Variants in GAPVD1 observed in about 807,000 individuals in gnomAD.
GAPVD1 encodes GTPase activating protein and VPS9 domains 1.
A neutral mutation model predicts 155.5 loss-of-function variants in GAPVD1; 35 were observed. The observed-to-expected ratio is 0.23, with a 90% CI of 0.17 to 0.30. The LOEUF is 0.30. GAPVD1 is among the 10% of genes least tolerant of loss of function. The pLI is 1.00. For missense variants in GAPVD1, 1,429 were observed against 1,775.7 expected (o/e 0.80, Z 3.51); for synonymous variants, 636 against 619.7 (o/e 1.03, Z -0.39).
chr9:125,282,919 C>CT (rs1012612856), intron 2 of GAPVD1, among the ~76,000 whole-genome samples: 9 of 151,674 alleles, frequency 5.9e-5, no homozygotes, highest in African/African-American at 1.9e-4. Context: ...AGGAAATGGT[C>CT]TTTTTTTAAT....
In GAPVD1 at chr9:125,346,896, C is replaced by T. The variant is rs377753350; in HGVS notation, c.3124C>T (p.Arg1042Trp). The T allele has an allele frequency of 1.4e-5, 23 of 1,612,794 alleles. No homozygotes were observed. Among genetic ancestry groups the T allele is most frequent in the Middle Eastern group, 1.7e-4 (1 of 6,058 alleles). ...GGACAAATACAGGAATGCCATTAAA[C>T]GGACCAGCCCCAGTGATGGAGCAAT... ...ILDKYRNAIK[R>W]TSPSDGAMAN... Residue 1042 changes from arginine to tryptophan, a missense_variant, in exon 20 of 28, where the codon CGG (arginine) becomes TGG (tryptophan). Transcript: ENST00000297933.
intron 20 of GAPVD1, 91 bp from the exon 21 acceptor site, chr9:125,349,299 A>G: frequency 9.3e-7 from 1 of 1,071,980 alleles, no homozygotes; most frequent in African/African-American, 1.6e-5. Flanking sequence ...GTCAATGGTA[A>G]TTTATTCTTG....
chr9:125,332,358 C>G (rs1846217154), intron 14 of GAPVD1, 152 bp from the exon 15 acceptor site: 1 of 636,350 alleles, frequency 1.6e-6, no homozygotes, highest in Middle Eastern at 4.3e-4. Context: ...TATATTTAAG[C>G]AGTAGTACCA....
chr9:125,358,064 TAA>T (rs1268844143), intron 25 of GAPVD1, among the ~76,000 whole-genome samples: 1 of 152,036 alleles, frequency 6.6e-6, no homozygotes, highest in African/African-American at 2.4e-5. Context: ...TATTTTTGGG[TAA>T]AGAGACTAGG....
intron 23 of GAPVD1, among the ~76,000 whole-genome samples, chr9:125,352,664 C>T (rs1012592440): frequency 3.3e-5 from 5 of 152,346 alleles, no homozygotes; most frequent in Middle Eastern, 6.8e-3. Context: ...GACATTTTCC[C>T]CATTGTCTTG....
Position 125,362,597 on chromosome 9 carries a change from C to T in GAPVD1, c.4243-9C>T, listed in dbSNP as rs1283101291. ...GTAATTGATTCTTTTTTATTTTTCA[C>T]TTCTCTAGGCAAATCCACCCTGTTT... On this transcript the variant is annotated splice_polypyrimidine_tract_variant and intron_variant, in intron 27 of 27. Transcript: ENST00000297933. 1.9e-6 allele frequency: 3 copies of T among 1,575,966 alleles called. No individual in the cohort carries two copies. The highest frequency in any genetic ancestry group is 1.9e-5 in the Admixed American group (1 of 52,644).
At chr9:125,346,640 C>T in intron 19 of GAPVD1, 179 bp from the exon 20 acceptor site, 1 of 652,970 alleles carries the variant, frequency 1.5e-6, no homozygotes, top group Non-Finnish European at 2.8e-6. Context: ...TGGCAAGGCT[C>T]TCAGACCTAG....
At chr9:125,307,153 T>C (rs1228157339) in intron 6 of GAPVD1, among the ~76,000 whole-genome samples, 1 of 151,594 alleles carries the variant, frequency 6.6e-6, no homozygotes, top group African/African-American at 2.4e-5. Flanking sequence ...TAATCCCAGC[T>C]ACTCGGGAGG....
At chr9:125,266,406 C>T (rs1387776577) in intron 1 of GAPVD1, among the ~76,000 whole-genome samples, 2 of 151,734 alleles carry the variant, frequency 1.3e-5, no homozygotes, top group South Asian at 2.1e-4. Context: ...CTCTGCCTCC[C>T]GAGTTCACGC....
intron 23 of GAPVD1, among the ~76,000 whole-genome samples, chr9:125,352,243 CTT>C (rs1337473626): frequency 3.3e-5 from 5 of 152,364 alleles, no homozygotes; most frequent in African/African-American, 2.4e-5. Context: ...AGTAGGGACT[CTT>C]TGTGGGGGCT....
chr9:125,325,642 A>T (rs1473916935), intron 11 of GAPVD1, among the ~76,000 whole-genome samples: 1 of 152,238 alleles, frequency 6.6e-6, no homozygotes, highest in Non-Finnish European at 1.5e-5. Flanking sequence ...CTTCTAAAAA[A>T]GAAGTCAGTT....
intron 2 of GAPVD1, among the ~76,000 whole-genome samples, chr9:125,287,109 G>A (rs1327263739): frequency 6.6e-6 from 1 of 152,022 alleles, no homozygotes; most frequent in African/African-American, 2.4e-5. Context: ...TGTGTCAGGA[G>A]TTCAGAGTTG....
At position 125,312,587 on chromosome 9, in the gene GAPVD1, C is replaced by T. The variant is rs765002053; in HGVS notation, c.1577C>T (p.Thr526Ile). 4.4e-6 allele frequency: 7 copies of T among 1,590,110 alleles called. No homozygotes were observed. The highest frequency in any genetic ancestry group is 6.0e-6 in the Non-Finnish European group (7 of 1,173,448). Residue 526 changes from threonine (T) to isoleucine (I), a missense_variant, in exon 9 of 28, where the codon ACT (threonine) becomes ATT (isoleucine). Physicochemically the swap from Thr to Ile is moderately conservative, Grantham distance 89. This residue lies in a region of GAPVD1 where 628 missense variants were observed against 733.4 expected (regional missense o/e 0.86). Transcript: ENST00000297933. ...TCCTTAGGTACAGGTCCCCAGCTTA[C>T]TCCAGGGATGATGTCAGAAAATGAG... is the stretch of plus-strand genomic sequence containing the variant. ...VISLGTGPQL[T>I]PGMMSENEVL...
rs372718140 is a variant in GAPVD1 at position 125,347,884 on chromosome 9, A to G, written c.3169+943A>G. Among the ~76,000 whole-genome samples the G allele has an allele frequency of 1.2e-4, 18 of 152,232 alleles. 1 individual carries two copies. In the South Asian group the frequency reaches 3.1e-3, roughly 26 times the overall value. On this transcript the variant is annotated intron_variant, in intron 20 of 27. Coordinates refer to ENST00000297933, the MANE Select transcript of GAPVD1 (RefSeq NM_001282680.3). ...CAGAGGGAGAGTGGGCAGAAAGGAGAACTTCCTGTATTTTTTTATTTTGAA... is the reference window on the plus strand; with the variant it reads ...CAGAGGGAGAGTGGGCAGAAAGGAGGACTTCCTGTATTTTTTTATTTTGAA...
At chr9:125,300,044 T>A (rs1302679920) in intron 4 of GAPVD1, among the ~76,000 whole-genome samples, 2,974 of 4,594 alleles carry the variant, frequency 0.65, 1,164 homozygotes, top group East Asian at 0.7. Flanking sequence ...AAAAAATATA[T>A]ATATATATAT....
intron 2 of GAPVD1, among the ~76,000 whole-genome samples, chr9:125,282,721 T>C (rs886214614): frequency 2.0e-5 from 3 of 152,182 alleles, no homozygotes; most frequent in Admixed American, 1.3e-4. Flanking sequence ...GTATACCATC[T>C]GAGATAGATA....
chr9:125,293,858 A>ATATAAATATATTT (rs1564310995), intron 2 of GAPVD1, among the ~76,000 whole-genome samples: 6 of 8,186 alleles, frequency 7.3e-4, no homozygotes, highest in African/African-American at 6.2e-3. Flanking sequence ...TATTTTATAT[A>ATATAAATATATTT]TATATATATA....
intron 25 of GAPVD1, among the ~76,000 whole-genome samples, chr9:125,356,316 T>C (rs1023731185): frequency 1.3e-5 from 2 of 152,132 alleles, no homozygotes; most frequent in African/African-American, 4.8e-5. Flanking sequence ...CTACTAACAT[T>C]TGGGGCCAGA....
At chr9:125,309,492 G>A (rs1364580959) in intron 8 of GAPVD1, among the ~76,000 whole-genome samples, 1 of 151,944 alleles carries the variant, frequency 6.6e-6, no homozygotes, top group East Asian at 1.9e-4. Context: ...CCACCACCAC[G>A]CCCGGCTAAT....
Sources: allele counts gnomAD v4.1 joint callset (sites outside exome capture counted in the v4.1 genomes callset), GRCh38; gene constraint gnomAD v4.1.1; regional missense constraint gnomAD v4.1.1; transcripts MANE v1.5; gene names NCBI Gene and HGNC (gene_info 2026-07-23, HGNC 2026-07-21).